Variants in OSBPL9 observed in about 807,000 individuals in gnomAD.
The protein encoded by OSBPL9 is oxysterol binding protein like 9.
A neutral mutation model predicts 106.6 loss-of-function variants in OSBPL9; 40 were observed. The ratio of observed to expected loss-of-function variants is 0.38; its 90% CI spans 0.29 to 0.49. The LOEUF is 0.49. OSBPL9 is among the 20% of genes least tolerant of loss of function. The pLI is 0.97. For missense variants in OSBPL9, 609 were observed against 887.2 expected (o/e 0.69, Z 3.98); for synonymous variants, 269 against 295.4 (o/e 0.91, Z 0.92).
the OSBPL9 span, among the ~76,000 whole-genome samples, chr1:51,565,303 T>C: frequency 6.6e-6 from 1 of 152,174 alleles, no homozygotes; most frequent in African/African-American, 2.4e-5. Flanking sequence ...CCTTGAACCT[T>C]ATGTTCCCCA....
At chr1:51,556,513 G>C in the OSBPL9 span, among the ~76,000 whole-genome samples, 2 of 152,072 alleles carry the variant, frequency 1.3e-5, no homozygotes, top group African/African-American at 4.8e-5. Flanking sequence ...ATGAGTAGTG[G>C]AGATGGTTAA....
intron 1 of OSBPL9, among the ~76,000 whole-genome samples, chr1:51,636,320 C>T (rs1645447030): frequency 1.3e-5 from 2 of 151,472 alleles, no homozygotes; most frequent in African/African-American, 4.8e-5. Context: ...GCCACCTCTC[C>T]TGGATGCCAC....
intron 10 of OSBPL9, 31 bp downstream of exon 10, chr1:51,760,811 T>C: frequency 6.2e-7 from 1 of 1,606,578 alleles, no homozygotes; most frequent in Non-Finnish European, 8.5e-7. Flanking sequence ...TTAGATTCAT[T>C]GATGAGAAAA....
intron 3 of OSBPL9, among the ~76,000 whole-genome samples, chr1:51,687,370 A>C (rs947554220): frequency 3.9e-5 from 6 of 152,248 alleles, no homozygotes; most frequent in Non-Finnish European, 8.8e-5. Flanking sequence ...AGGAAACTTA[A>C]GCACAGGATG....
chr1:51,702,161 C>T (rs1001474112), intron 3 of OSBPL9, among the ~76,000 whole-genome samples: 5 of 152,096 alleles, frequency 3.3e-5, no homozygotes, highest in Admixed American at 2.6e-4. Context: ...GGGTATATAC[C>T]CAGTAATGGG....
chr1:51,552,994 C>G, the OSBPL9 span, among the ~76,000 whole-genome samples: 4 of 151,048 alleles, frequency 2.6e-5, no homozygotes, highest in African/African-American at 4.9e-5. Flanking sequence ...TTTTTTTGTG[C>G]CTGTGTTTTT....
At chr1:51,543,573 C>T in the OSBPL9 span, among the ~76,000 whole-genome samples, 8 of 151,974 alleles carry the variant, frequency 5.3e-5, no homozygotes, top group Admixed American at 1.3e-4. Context: ...TTTTTTGTAT[C>T]ATTAGTAGAG....
chr1:51,722,161 A>AG (rs1177496416), intron 4 of OSBPL9, among the ~76,000 whole-genome samples: 80 of 135,264 alleles, frequency 5.9e-4, no homozygotes, highest in Non-Finnish European at 8.6e-4. Flanking sequence ...TCTCTAAAAT[A>AG]AATAGATAGA....
chr1:51,530,960 C>A, the OSBPL9 span, among the ~76,000 whole-genome samples: 1 of 144,772 alleles, frequency 6.9e-6, no homozygotes, highest in Non-Finnish European at 1.5e-5. Context: ...GGTGACAGAG[C>A]GAGACTTTGT....
intron 1 of OSBPL9, among the ~76,000 whole-genome samples, chr1:51,589,239 C>T (rs1275483487): frequency 2.0e-5 from 3 of 152,094 alleles, no homozygotes; most frequent in Non-Finnish European, 4.4e-5. Flanking sequence ...CAGGTGCACG[C>T]CACCATGCAC....
At chr1:51,603,896 T>C (rs1458020443) in intron 2 of OSBPL9, among the ~76,000 whole-genome samples, 1 of 152,126 alleles carries the variant, frequency 6.6e-6, no homozygotes, top group East Asian at 1.9e-4. Context: ...CTAGTTACCA[T>C]AGTGGGCAAT....
intron 1 of OSBPL9, among the ~76,000 whole-genome samples, chr1:51,581,636 A>G (rs552460172): frequency 1.8e-4 from 28 of 152,228 alleles, no homozygotes; most frequent in African/African-American, 6.3e-4. Flanking sequence ...GTATGGACTC[A>G]TGGATATTTA....
chr1:51,752,984 A>G (rs879899128), intron 8 of OSBPL9, among the ~76,000 whole-genome samples: 3 of 152,146 alleles, frequency 2.0e-5, no homozygotes, highest in Non-Finnish European at 4.4e-5. Context: ...TGCTTACCAT[A>G]TAGGAGGTGC....
chr1:51,630,283 C>T (rs892431552), intron 1 of OSBPL9, among the ~76,000 whole-genome samples: 4 of 152,002 alleles, frequency 2.6e-5, no homozygotes, highest in African/African-American at 4.8e-5. Context: ...TCTCTCCCGG[C>T]GCTGGGTCAG....
intron 1 of OSBPL9, among the ~76,000 whole-genome samples, chr1:51,587,191 C>G (rs1645251499): frequency 6.6e-6 from 1 of 152,078 alleles, no homozygotes; most frequent in Admixed American, 6.6e-5. Flanking sequence ...CATGAGAAAC[C>G]CCATCTCTAC....
At chr1:51,769,536 G>A (rs540356557) in intron 12 of OSBPL9, among the ~76,000 whole-genome samples, 91 of 152,280 alleles carry the variant, frequency 6.0e-4, no homozygotes, top group African/African-American at 2.0e-3. Context: ...TAGACATACC[G>A]TGTATGGTGC....
chr1:51,728,494 T>C (rs1663543005), intron 4 of OSBPL9, among the ~76,000 whole-genome samples: 2 of 151,922 alleles, frequency 1.3e-5, no homozygotes, highest in Admixed American at 1.3e-4. Context: ...GACTACTAGG[T>C]TTATGGTTTG....
intron 7 of OSBPL9, among the ~76,000 whole-genome samples, chr1:51,748,826 C>A (rs1668587356): frequency 6.6e-6 from 1 of 152,040 alleles, no homozygotes; most frequent in Non-Finnish European, 1.5e-5. Flanking sequence ...TGGCTCACAC[C>A]TGTAATCCCA....
At chr1:51,689,158 C>G (rs765754781) in intron 3 of OSBPL9, among the ~76,000 whole-genome samples, 3 of 152,160 alleles carry the variant, frequency 2.0e-5, no homozygotes, top group African/African-American at 4.8e-5. Flanking sequence ...TCAGAAAATT[C>G]TCTAAACATT....
Sources: allele counts gnomAD v4.1 joint callset (sites outside exome capture counted in the v4.1 genomes callset), GRCh38; gene constraint gnomAD v4.1.1; transcripts MANE v1.5; gene names NCBI Gene and HGNC (gene_info 2026-07-23, HGNC 2026-07-21).